Variants in INTS6 observed in about 807,000 individuals in gnomAD.
INTS6 encodes DEAD box protein.
Under a neutral mutation model 104.9 loss-of-function variants are expected in INTS6, and 16 were observed. That is an observed-to-expected ratio of 0.15 (90% CI 0.10 to 0.23). The LOEUF (loss-of-function observed/expected upper bound fraction) is 0.23. INTS6 is among the 10% of genes least tolerant of loss of function. The probability of loss-of-function intolerance (pLI) is 1.00; values close to 1 mark genes in which losing one functional copy is unlikely to be tolerated. For missense variants in INTS6, 584 were observed against 1,062.8 expected, an observed-to-expected ratio of 0.55 and a Z score of 6.26; for synonymous variants, 324 against 358.7, an observed-to-expected ratio of 0.90 and a Z score of 1.09.
intron 4 of INTS6, among the ~76,000 whole-genome samples, chr13:51,423,492 TTCTCTTCTTAGCCTC>T (rs1956931230): frequency 1.3e-5 from 2 of 152,110 alleles, no homozygotes; most frequent in African/African-American, 2.4e-5. Flanking sequence ...TTAACTGCTC[TTCTCTTCTTAGCCTC>T]TCTCCTCATA....
At chr13:51,391,536 CTA>C (rs1275835405) in intron 5 of INTS6, among the ~76,000 whole-genome samples, 1 of 152,124 alleles carries the variant, frequency 6.6e-6, no homozygotes, top group Non-Finnish European at 1.5e-5. Flanking sequence ...TACTTATTGT[CTA>C]TGTCAAAACT....
chr13:51,345,088 G>A, the INTS6 span, among the ~76,000 whole-genome samples: 12 of 152,198 alleles, frequency 7.9e-5, no homozygotes, highest in Non-Finnish European at 1.8e-4. Context: ...CGTTTACTGA[G>A]TGTTTAGTTT....
intron 4 of INTS6, among the ~76,000 whole-genome samples, chr13:51,402,157 T>TA (rs935508797): frequency 6.6e-6 from 1 of 152,154 alleles, no homozygotes; most frequent in African/African-American, 2.4e-5. Context: ...GCAATAACAA[T>TA]AAACAACAAT....
the INTS6 span, chr13:51,348,351 G>C: frequency 6.2e-7 from 1 of 1,613,922 alleles, no homozygotes; most frequent in Non-Finnish European, 8.5e-7. Flanking sequence ...CTCACAGCCA[G>C]CACCATCCAC....
At chr13:51,352,540 T>G (rs1955415816), downstream of INTS6, among the ~76,000 whole-genome samples, 1 of 152,014 alleles carries the variant, frequency 6.6e-6, no homozygotes, top group Non-Finnish European at 1.5e-5. Context: ...TGAATAGAGA[T>G]AGATTTACTT....
chr13:51,450,144 A>G, intron 3 of INTS6: 8 of 984,704 alleles, frequency 8.1e-6, no homozygotes, highest in Non-Finnish European at 9.6e-6. Context: ...TACCCAATAT[A>G]TAATTAGGAA....
chr13:51,445,991 G>C (rs1952908678), intron 3 of INTS6: 1 of 152,130 alleles, frequency 6.6e-6, no homozygotes, highest in African/African-American at 2.4e-5. Flanking sequence ...AAACACAGGA[G>C]AAAAGCTTCA....
At chr13:51,429,595 C>T (rs1957047046) in intron 4 of INTS6, among the ~76,000 whole-genome samples, 1 of 151,340 alleles carries the variant, frequency 6.6e-6, no homozygotes, top group African/African-American at 2.4e-5. Context: ...AAGACACCAT[C>T]TCTACTAAAA....
At chr13:51,403,609 A>AAAAAAAG (rs1956489453) in intron 4 of INTS6, among the ~76,000 whole-genome samples, 1 of 150,396 alleles carries the variant, frequency 6.6e-6, no homozygotes, top group Non-Finnish European at 1.5e-5. Context: ...AAAAAAGAAA[A>AAAAAAAG]AAAAAAAAAG....
chr13:51,388,116 A>G (rs1370476511), intron 6 of INTS6, among the ~76,000 whole-genome samples: 6 of 152,234 alleles, frequency 3.9e-5, no homozygotes, highest in African/African-American at 1.4e-4. Flanking sequence ...TTTACTAGTA[A>G]CAAACTCTAA....
chr13:51,341,251 C>T, the INTS6 span: 7 of 1,613,998 alleles, frequency 4.3e-6, no homozygotes, highest in Non-Finnish European at 5.9e-6. Flanking sequence ...TGTCATCTCT[C>T]CTGCTGGTGT....
At position 51,452,375 on chromosome 13, in the gene INTS6, G is replaced by A. The variant is rs1447527826; in HGVS notation, c.111+40C>T. 13 of 1,496,142 alleles carry A rather than the reference G, an allele frequency of 8.7e-6. No individual in the cohort carries two copies. In the South Asian group the frequency reaches 1.3e-4, roughly 16 times the overall value. 92.7% of individuals were successfully genotyped at this position (1,496,142 alleles called of 1,614,324 possible). Reference sequence around the variant, plus strand: ...TCCCCCACCCTGCCGCCCGCGGGCCGCCGGGCCGGGGTCGCCGCCCGGGCT... The same window carrying A: ...TCCCCCACCCTGCCGCCCGCGGGCCACCGGGCCGGGGTCGCCGCCCGGGCT... On this transcript the variant is annotated intron_variant, in intron 1 of 17. Transcript: ENST00000311234. The surrounding 1 kb of genome is among the most constrained non-coding windows in gnomAD (Gnocchi z 4.2).
chr13:51,443,065 A>G (rs1378726986), intron 3 of INTS6: 2 of 152,252 alleles, frequency 1.3e-5, no homozygotes, highest in African/African-American at 4.8e-5. Context: ...AAAACTGAAG[A>G]AAGCAACTCA....
chr13:51,429,785 A>AAAAAAAATATATATAT (rs1156333077), intron 4 of INTS6, among the ~76,000 whole-genome samples: 10 of 92,378 alleles, frequency 1.1e-4, no homozygotes, highest in African/African-American at 4.6e-4. Context: ...AAAAAAAAAA[A>AAAAAAAATATATATAT]ATATATATAT....
the INTS6 span, among the ~76,000 whole-genome samples, chr13:51,343,432 T>A: frequency 1.3e-5 from 2 of 152,198 alleles, no homozygotes; most frequent in African/African-American, 4.8e-5. Flanking sequence ...GGACAGAAGC[T>A]GCAGCTTGTG....
chr13:51,438,266 T>C (rs535331056), intron 3 of INTS6: 4 of 152,020 alleles, frequency 2.6e-5, no homozygotes, highest in Non-Finnish European at 5.9e-5. Context: ...CCTTCCCAAG[T>C]GTTTATAGAT....
At chr13:51,342,096 C>T in the INTS6 span, among the ~76,000 whole-genome samples, 1 of 151,204 alleles carries the variant, frequency 6.6e-6, no homozygotes, top group Non-Finnish European at 1.5e-5. Flanking sequence ...AACCAATCTA[C>T]CAACTCCAGC....
At chr13:51,358,036 AAG>A (rs965549899), downstream of INTS6, among the ~76,000 whole-genome samples, 6 of 152,236 alleles carry the variant, frequency 3.9e-5, no homozygotes, top group African/African-American at 1.2e-4. Context: ...TTGCAATAGA[AAG>A]AGGTGCAGAG....
intron 4 of INTS6, among the ~76,000 whole-genome samples, chr13:51,402,991 T>C (rs543203626): frequency 6.6e-6 from 1 of 152,324 alleles, no homozygotes; most frequent in South Asian, 2.1e-4. Flanking sequence ...CAGGATTTAA[T>C]GTAGATAAAC....
Sources: allele counts gnomAD v4.1 joint callset (sites outside exome capture counted in the v4.1 genomes callset), GRCh38; gene constraint gnomAD v4.1.1; non-coding constraint Gnocchi (gnomAD v3.1); transcripts MANE v1.5; gene names NCBI Gene and HGNC (gene_info 2026-07-23, HGNC 2026-07-21).